The following GOLGA7 variants were observed in gnomAD, a reference collection of about 807,000 sequenced individuals.
GOLGA7 encodes the protein golgin subfamily A member 7.
A neutral mutation model predicts 21.1 loss-of-function variants in GOLGA7; 10 were observed. The observed-to-expected ratio is 0.47, with a 90% CI of 0.29 to 0.80. The LOEUF (loss-of-function observed/expected upper bound fraction) is 0.80, where lower values mean the gene tolerates loss of function less well. GOLGA7 is among the 30% of genes least tolerant of loss of function. The pLI is 0.08. For missense variants in GOLGA7, 114 were observed against 166.8 expected (o/e 0.68, Z 1.74); for synonymous variants, 64 against 62.6 (o/e 1.02, Z -0.10).
intron 2 of GOLGA7, among the ~76,000 whole-genome samples, chr8:41,503,049 AT>A (rs1440682260): frequency 6.6e-6 from 1 of 152,018 alleles, no homozygotes; most frequent in Non-Finnish European, 1.5e-5. Flanking sequence ...TTTTTATTTT[AT>A]TTTTATTTTG....
At chr8:41,497,479 C>T (rs780203269) in intron 1 of GOLGA7, 30 bp from the exon 2 acceptor site, 5 of 1,274,282 alleles carry the variant, frequency 3.9e-6, no homozygotes, top group Non-Finnish European at 5.4e-6. Context: ...TTTTCCAAAA[C>T]TTAATTTTTA....
intron 1 of GOLGA7, among the ~76,000 whole-genome samples, chr8:41,491,915 T>C (rs530902183): frequency 6.6e-6 from 1 of 152,270 alleles, no homozygotes; most frequent in Admixed American, 6.5e-5. Context: ...TAGGCATTCC[T>C]TGGGTGTGGG....
rs978295284 is a variant in GOLGA7, at chr8:41,497,767, G to A, written c.264+106G>A. 6.2e-6 allele frequency: 4 copies of A among 644,150 alleles called. No homozygotes were observed. In the African/African-American group the frequency reaches 7.2e-5, roughly 12 times the overall value. 39.9% of individuals were successfully genotyped at this position (644,150 alleles called of 1,614,324 possible). On this transcript the variant is annotated intron_variant, in intron 2 of 4. Transcript: ENST00000357743. ...GATAGTTGCCGTAAAATATTTAGGG[G>A]CATTTATCATTCAAATTGTGTTGTT...
rs149557942 is a variant in GOLGA7, at chr8:41,507,315, T to C, written c.*15+194T>C. On this transcript the variant is annotated intron_variant, in intron 4 of 4. Transcript: ENST00000357743. ...ATTCGGCCCAAGTTCTATTTGGTGA[T>C]AGAGAATTTAATTCTGATTTTTTTT... is the stretch of plus-strand genomic sequence containing the variant. 4.8e-4 allele frequency among the ~76,000 whole-genome samples: 73 copies of C among 152,332 alleles called. 2 individuals are homozygous for C. The highest frequency in any genetic ancestry group is 2.3e-3 in the Admixed American group (35 of 15,294).
In GOLGA7 at chr8:41,505,992, A is replaced by G. The variant is rs745436578; in HGVS notation, c.346A>G (p.Ile116Val). The G allele has an allele frequency of 3.2e-6, 5 of 1,568,064 alleles. No homozygotes were observed. The highest frequency in any genetic ancestry group is 2.3e-5 in the East Asian group (1 of 44,312). Residue 116 changes from isoleucine (I) to valine (V), a missense_variant, in exon 3 of 5, where the codon ATT becomes GTT. Transcript: ENST00000357743. ...ACAAGGCCTCCTCCTGACAGACCCT[A>G]TTGAGCGAGGACTGCGAGTTGTATC... ...APQGLLLTDP[I>V]ERGLRVIEIT...
At chr8:41,507,004 C>A (rs774576374) in intron 3 of GOLGA7, 55 bp from the exon 4 acceptor site, 1 of 839,930 alleles carries the variant, frequency 1.2e-6, no homozygotes, top group South Asian at 1.3e-5. Flanking sequence ...CTTGCCAAGT[C>A]CCCCTTTGTG....
intron 4 of GOLGA7, 75 bp downstream of exon 4, chr8:41,507,196 G>A (rs1806307181): frequency 1.3e-6 from 1 of 745,384 alleles, no homozygotes. Context: ...TCCCCGCATG[G>A]TAAATAAATC....
intron 1 of GOLGA7, among the ~76,000 whole-genome samples, chr8:41,491,701 CTTG>C (rs199525638): frequency 0.014 from 2,118 of 151,360 alleles, 136 homozygotes; most frequent in Admixed American, 0.1. Context: ...ATCATTGTAT[CTTG>C]TTGTAGAGGT....
intron 1 of GOLGA7, among the ~76,000 whole-genome samples, chr8:41,491,649 C>T (rs1195618124): frequency 1.4e-5 from 2 of 147,716 alleles, no homozygotes; most frequent in Non-Finnish European, 3.0e-5. Context: ...ATGGGATTTG[C>T]TTCCCCTTCA....
intron 2 of GOLGA7, among the ~76,000 whole-genome samples, chr8:41,499,456 T>A (rs1563417240): frequency 6.6e-6 from 1 of 151,976 alleles, no homozygotes. Flanking sequence ...GAGTGCAAGG[T>A]TTTGTTGAGT....
chr8:41,504,909 T>G (rs1243472285), intron 2 of GOLGA7, among the ~76,000 whole-genome samples: 3 of 152,242 alleles, frequency 2.0e-5, no homozygotes, highest in Non-Finnish European at 4.4e-5. Context: ...TCCATACACT[T>G]CTTTTTTCCC....
At chr8:41,497,766 G>A (rs1806056334) in intron 2 of GOLGA7, 105 bp downstream of exon 2, 1 of 645,678 alleles carries the variant, frequency 1.5e-6, no homozygotes, top group South Asian at 1.9e-5. Flanking sequence ...AATATTTAGG[G>A]GCATTTATCA....
chr8:41,491,348 C>T (rs998529742), intron 1 of GOLGA7, among the ~76,000 whole-genome samples: 5 of 152,180 alleles, frequency 3.3e-5, no homozygotes, highest in African/African-American at 9.7e-5. Flanking sequence ...TATCCTCCTA[C>T]CTCTCCGCGC....
intron 2 of GOLGA7, among the ~76,000 whole-genome samples, chr8:41,500,334 A>C (rs187084433): frequency 6.6e-6 from 1 of 152,310 alleles, no homozygotes; most frequent in Admixed American, 6.5e-5. Context: ...TGTTGCATGA[A>C]GGATGAAAAG....
At chr8:41,501,470 C>T (rs55771990) in intron 2 of GOLGA7, among the ~76,000 whole-genome samples, 2,168 of 152,282 alleles carry the variant, frequency 0.014, 24 homozygotes, top group Non-Finnish European at 0.021. Flanking sequence ...TCTCAAACTC[C>T]TGGCCTCAAG....
intron 1 of GOLGA7, among the ~76,000 whole-genome samples, chr8:41,496,709 A>G (rs1199176672): frequency 8.2e-5 from 12 of 145,684 alleles, no homozygotes; most frequent in African/African-American, 3.1e-4. Context: ...ATTTAAGATT[A>G]CCTGCCCTTC....
intron 1 of GOLGA7, among the ~76,000 whole-genome samples, chr8:41,492,291 GC>G (rs981725685): frequency 6.6e-6 from 1 of 152,212 alleles, no homozygotes; most frequent in African/African-American, 2.4e-5. Flanking sequence ...TCAGCAAGTG[GC>G]CAGTTGGGTA....
chr8:41,490,969 C>T lies in GOLGA7; in HGVS notation c.111+4C>T, dbSNP rs1461354943. 2.7e-6 allele frequency: 4 copies of T among 1,482,540 alleles called. No homozygotes were observed. The highest frequency in any genetic ancestry group is 4.8e-5 in the East Asian group (2 of 42,088). The allele number at this position is 1,482,540 out of a possible 1,614,324, so 91.8% of individuals were successfully genotyped here. A position where few individuals can be genotyped will look rare whatever the true frequency, so the allele number is the denominator to read the frequency against. Reference sequence around the variant, plus strand: ...CCCTGCGGAGCTGGAGAACCGGGTACGCAACCTGGCTCCCCACGCCTGCTC... The same window carrying T: ...CCCTGCGGAGCTGGAGAACCGGGTATGCAACCTGGCTCCCCACGCCTGCTC... On this transcript the variant is annotated splice_donor_region_variant and intron_variant, in intron 1 of 4. Coordinates refer to ENST00000357743, the MANE Select transcript of GOLGA7 (RefSeq NM_001002296.2).
In GOLGA7 at chr8:41,497,497, T is replaced by G; in HGVS notation, c.112-12T>G. 1 of 1,394,768 alleles carries G rather than the reference T, an allele frequency of 7.2e-7. No homozygotes were observed. Among genetic ancestry groups the G allele is most frequent in the Non-Finnish European group, 9.8e-7 (1 of 1,020,772 alleles). 86.4% of individuals were successfully genotyped at this position (1,394,768 alleles called of 1,614,324 possible). A position where few individuals can be genotyped will look rare whatever the true frequency, so the allele number is the denominator to read the frequency against. On this transcript the variant is annotated splice_polypyrimidine_tract_variant and intron_variant, in intron 1 of 4. Coordinates refer to ENST00000357743, the MANE Select transcript of GOLGA7 (RefSeq NM_001002296.2). ...TCCAAAACTTAATTTTTAAATATTT[T>G]CTTCTCTACAGATTGATAGGCAGCA...
Sources: allele counts gnomAD v4.1 joint callset (sites outside exome capture counted in the v4.1 genomes callset), GRCh38; gene constraint gnomAD v4.1.1; transcripts MANE v1.5; gene names NCBI Gene and HGNC (gene_info 2026-07-23, HGNC 2026-07-21).